CACNA1C: variants seen among roughly 807,000 people sequenced by gnomAD.
The protein encoded by CACNA1C is voltage-dependent L-type calcium channel subunit alpha-1C.
Under a neutral mutation model 229.0 loss-of-function variants are expected in CACNA1C, and 30 were observed. That is an observed-to-expected ratio of 0.13 (90% confidence interval 0.10 to 0.18). The LOEUF is 0.18. Among genes scored for constraint, CACNA1C ranks in the 10% least tolerant of loss-of-function variants. CACNA1C has a pLI of 1.00. For synonymous variants in CACNA1C, 1,114 were observed against 1,132.5 expected, an observed-to-expected ratio of 0.98 and a Z score of 0.33; for missense variants, 1,658 against 2,845.0, an observed-to-expected ratio of 0.58 and a Z score of 9.49.
chr12:2,332,660 T>TG (rs1430851138), intron 3 of CACNA1C, among the ~76,000 whole-genome samples: 1 of 152,242 alleles, frequency 6.6e-6, no homozygotes, highest in Non-Finnish European at 1.5e-5. Context: ...TATTTAACAA[T>TG]GGGGGCCTGG....
chr12:2,235,199 A>C (rs1026720388), intron 3 of CACNA1C, among the ~76,000 whole-genome samples: 3 of 152,172 alleles, frequency 2.0e-5, no homozygotes, highest in African/African-American at 7.2e-5. Flanking sequence ...TCTGTGGTAC[A>C]GGGGGGCCAT....
intron 3 of CACNA1C, among the ~76,000 whole-genome samples, chr12:2,294,392 G>A (rs978213571): frequency 3.3e-5 from 5 of 151,868 alleles, no homozygotes; most frequent in Non-Finnish European, 7.4e-5. Context: ...AGCTGGAAAC[G>A]TAGATTGGAG....
intron 3 of CACNA1C, among the ~76,000 whole-genome samples, chr12:2,398,126 T>C (rs1382840147): frequency 6.6e-6 from 1 of 152,252 alleles, no homozygotes; most frequent in Non-Finnish European, 1.5e-5. Flanking sequence ...GGAGGACTTC[T>C]CATTTTTGTG....
intron 1 of CACNA1C, among the ~76,000 whole-genome samples, chr12:1,994,507 A>G (rs750713549): frequency 4.6e-5 from 7 of 152,200 alleles, no homozygotes; most frequent in African/African-American, 7.2e-5. Context: ...GTAAGCATAC[A>G]ATCAATACCA....
intron 3 of CACNA1C, among the ~76,000 whole-genome samples, chr12:2,177,015 A>C (rs1403936545): frequency 3.9e-5 from 6 of 152,190 alleles, no homozygotes; most frequent in Non-Finnish European, 7.3e-5. Context: ...AGGTCGGCTT[A>C]ATCAATAGGT....
chr12:2,449,726 T>C (rs4765683), intron 4 of CACNA1C, among the ~76,000 whole-genome samples: 151,404 of 152,356 alleles, frequency 0.99, 75,229 homozygotes, highest in Middle Eastern at 1. Flanking sequence ...TGCTCTGTGC[T>C]GCTGTAGGAT....
rs559680282 is a variant in CACNA1C at position 1,971,436 on chromosome 12, G to A, written c.139+235G>A. ...AGTGATGTTTGAGGCAACAGGCAAT[G>A]CAATACTGCCTTTACATAATGAAAC... On this transcript the variant is annotated intron_variant, in intron 1 of 46. Transcript: ENST00000682462. The surrounding 1 kb of genome is among the most constrained non-coding windows in gnomAD (Gnocchi z 4.2). 6.6e-6 allele frequency among the ~76,000 whole-genome samples: 1 copy of A among 152,310 alleles called. No individual in the cohort carries two copies. The highest frequency in any genetic ancestry group is 2.1e-4 in the South Asian group (1 of 4,814).
chr12:2,413,986 C>A (rs2098836956), intron 3 of CACNA1C, among the ~76,000 whole-genome samples: 1 of 152,132 alleles, frequency 6.6e-6, no homozygotes, highest in South Asian at 2.1e-4. Context: ...CCAAGGCTGC[C>A]CCCAAAACTC....
At position 2,582,830 on chromosome 12, in the gene CACNA1C, C is replaced by A; in HGVS notation, c.2112C>A (p.Thr704=). 6.2e-7 allele frequency: 1 copy of A among 1,613,502 alleles called. No homozygotes were observed. Among genetic ancestry groups the A allele is most frequent in the Non-Finnish European group, 8.5e-7 (1 of 1,179,714 alleles). The part of the protein sequence containing the change: ...QSLLTVFQIL[T]GEDWNSVMYD... The stretch of plus-strand genomic sequence containing the variant: ...GGGAATGTGTCATTCAGATCCTGAC[C>A]GGGGAGGACTGGAATTCGGTGATGT... Residue 704 remains threonine, a synonymous_variant, in exon 15 of 47, where the codon ACC becomes ACA. Coordinates refer to ENST00000399655, the MANE Select transcript of CACNA1C (RefSeq NM_000719.7).
At chr12:2,626,692 G>A (rs2086811848) in intron 29 of CACNA1C, among the ~76,000 whole-genome samples, 1 of 151,984 alleles carries the variant, frequency 6.6e-6, no homozygotes, top group African/African-American at 2.4e-5. Context: ...GCAGCTATTG[G>A]GATCCCCCAA....
chr12:2,258,974 T>C (rs2079029933), intron 3 of CACNA1C, among the ~76,000 whole-genome samples: 3 of 152,168 alleles, frequency 2.0e-5, no homozygotes, highest in African/African-American at 7.2e-5. Context: ...ATTCCAAAAA[T>C]AGATGAGGGA....
Position 2,566,416 on chromosome 12 carries a change from T to A in CACNA1C, c.1509-6T>A. 6.3e-7 allele frequency: 1 copy of A among 1,585,276 alleles called. No homozygotes were observed. The highest frequency in any genetic ancestry group is 8.6e-7 in the Non-Finnish European group (1 of 1,165,296). The stretch of plus-strand genomic sequence containing the variant: ...CCCCACCCTTCTCTCCCTGTCCCCT[T>A]TCCAGCCGCTACTGGCGCCGGTGGA... On this transcript the variant is annotated splice_region_variant and splice_polypyrimidine_tract_variant and intron_variant, in intron 11 of 46. Coordinates refer to ENST00000399655, the MANE Select transcript of CACNA1C (RefSeq NM_000719.7). The surrounding 1 kb of genome is among the most constrained non-coding windows in gnomAD (Gnocchi z 4.0).
In CACNA1C at chr12:2,556,954, C is replaced by T; in HGVS notation, c.1485C>T (p.His495=). Residue 495 remains histidine (H), a synonymous_variant, in exon 11 of 47, where the codon CAC becomes CAT. Transcript: ENST00000399655. ...EGENCGARLA[H]RISKSKFSRY... is the part of the protein sequence containing the mutation. ...ACATTTCCTTTTTCTTTTTCAGCCA[C>T]CGGATCTCCAAGTCAAAGTTCAGGT... 6.2e-7 allele frequency: 1 copy of T among 1,612,768 alleles called. No homozygotes were observed. Among genetic ancestry groups the T allele is most frequent in the Non-Finnish European group, 8.5e-7 (1 of 1,178,780 alleles).
rs1252417054 is a variant in CACNA1C at position 2,668,995 on chromosome 12, G to A, written c.4686G>A (p.Leu1562=). The A allele has an allele frequency of 1.2e-6, 2 of 1,614,122 alleles. No individual in the cohort carries two copies. Among genetic ancestry groups the A allele is most frequent in the Admixed American group, 3.3e-5 (2 of 60,030 alleles). Residue 1562 remains leucine (L), a synonymous_variant, in exon 38 of 47, where the codon CTG becomes CTA. Transcript: ENST00000399655. Reference sequence around the variant, plus strand: ...GGACAGTCATGTTCAATGCCACCCTGTTTGCCCTGGTCAGGACGGCCCTGA... The same window carrying A: ...GGACAGTCATGTTCAATGCCACCCTATTTGCCCTGGTCAGGACGGCCCTGA... ...SDGTVMFNAT[L]FALVRTALRI...
chr12:2,688,816 C>G (rs770836971), intron 46 of CACNA1C, 37 bp downstream of exon 46: 2 of 1,429,522 alleles, frequency 1.4e-6, no homozygotes, highest in Non-Finnish European at 1.8e-6. Flanking sequence ...GGAGAGGCCA[C>G]GGGCAACAAG....
At chr12:2,550,685 C>T (rs1251324445) in intron 10 of CACNA1C, 3 of 1,329,744 alleles carry the variant, frequency 2.3e-6, no homozygotes, top group African/African-American at 1.5e-5. Flanking sequence ...TTCTGAATTG[C>T]TCCACCTGGG....
At chr12:2,546,531 G>A (rs11062269) in intron 9 of CACNA1C, among the ~76,000 whole-genome samples, 29,598 of 151,706 alleles carry the variant, frequency 0.2, 3,656 homozygotes, top group African/African-American at 0.36. Context: ...ACACTCTTCC[G>A]TGCAGTAGCT....
At position 2,504,907 on chromosome 12, in the gene CACNA1C, A is replaced by AT; in HGVS notation, c.1185dup (p.Val396CysfsTer3). On this transcript the variant is annotated frameshift_variant, in exon 8 of 47. Coordinates refer to ENST00000399655, the MANE Select transcript of CACNA1C (RefSeq NM_000719.7). LOFTEE classifies it high-confidence loss of function. This position sits in a 1 kb window ranked among gnomAD's most constrained non-coding sequence, Gnocchi z 6.8. ...TTGTTACACTAATCATCATAGGGTC[A>AT]TTTTTTGTACTTAACTTGGTTCTCG... 6.2e-7 allele frequency: 1 copy of AT among 1,605,572 alleles called. No homozygotes were observed. The highest frequency in any genetic ancestry group is 8.5e-7 in the Non-Finnish European group (1 of 1,173,372).
At chr12:2,111,386 C>T (rs763865536) in intron 1 of CACNA1C, among the ~76,000 whole-genome samples, 6 of 152,154 alleles carry the variant, frequency 3.9e-5, no homozygotes, top group Admixed American at 1.3e-4. Context: ...GCTCCCCTCA[C>T]GCAGCTTTTC....
Sources: gnomAD v4.1 joint callset for allele counts (sites outside exome capture counted in the v4.1 genomes callset) on GRCh38, gnomAD v4.1.1 for gene constraint, Gnocchi (gnomAD v3.1) non-coding constraint, MANE v1.5 for transcripts, NCBI Gene and HGNC (gene_info 2026-07-23, HGNC 2026-07-21) for gene names.